FYN: variants seen among roughly 807,000 people sequenced by gnomAD.
The protein encoded by FYN is FYN proto-oncogene, Src family tyrosine kinase.
In FYN, 10 loss-of-function variants were observed where a neutral mutation model predicts 70.2. The ratio of observed to expected loss-of-function variants is 0.14; its 90% CI spans 0.09 to 0.24. The LOEUF is 0.24. Among genes scored for constraint, FYN ranks in the 10% least tolerant of loss-of-function variants. FYN has a pLI of 1.00. For missense variants in FYN, 319 were observed against 673.1 expected, an observed-to-expected ratio of 0.47 and a Z score of 5.82; for synonymous variants, 236 against 248.6, an observed-to-expected ratio of 0.95 and a Z score of 0.48.
At chr6:111,718,390 G>T (rs1250606580) in intron 4 of FYN, among the ~76,000 whole-genome samples, 1 of 152,190 alleles carries the variant, frequency 6.6e-6, no homozygotes. Context: ...TTTTATAAGG[G>T]ATCAGGTAGC....
At chr6:111,736,496 C>T (rs1053087272) in intron 3 of FYN, among the ~76,000 whole-genome samples, 20 of 152,068 alleles carry the variant, frequency 1.3e-4, no homozygotes, top group South Asian at 2.1e-4. Flanking sequence ...CTGAGAGCTC[C>T]GATGGAGCTG....
chr6:111,712,042 T>C (rs1297249245), intron 5 of FYN, among the ~76,000 whole-genome samples: 1 of 152,138 alleles, frequency 6.6e-6, no homozygotes, highest in Non-Finnish European at 1.5e-5. Flanking sequence ...AAAATAGAGA[T>C]TGAGACGGAT....
rs571377984 is a variant in FYN at position 111,781,636 on chromosome 6, A to T, written c.-81-1001T>A. On this transcript the variant is annotated intron_variant, in intron 2 of 13. Coordinates refer to ENST00000354650, the MANE Select transcript of FYN (RefSeq NM_002037.5). Reference sequence around the variant, plus strand: ...AGGCCTGTCCGGCCTCTGAGCCTCTAGGCAGGCCATCCCTCCTCTGGTAGG... The same window carrying T: ...AGGCCTGTCCGGCCTCTGAGCCTCTTGGCAGGCCATCCCTCCTCTGGTAGG... Among the ~76,000 whole-genome samples, 62 of 152,324 alleles carry T rather than the reference A, an allele frequency of 4.1e-4. 1 individual carries two copies. Among genetic ancestry groups the T allele is most frequent in the African/African-American group, 1.4e-3 (58 of 41,584 alleles).
chr6:111,868,919 T>C (rs1188003987), intron 1 of FYN, among the ~76,000 whole-genome samples: 2 of 152,246 alleles, frequency 1.3e-5, no homozygotes, highest in African/African-American at 4.8e-5. Flanking sequence ...TATTAATTAT[T>C]TTTATCTCTT....
chr6:111,761,684 C>T (rs763174195), intron 3 of FYN, among the ~76,000 whole-genome samples: 9 of 152,090 alleles, frequency 5.9e-5, no homozygotes, highest in Non-Finnish European at 1.2e-4. Context: ...CCTTCCGGGG[C>T]GACAACCACT....
At chr6:111,686,619 AATTAG>A (rs1799017527) in intron 12 of FYN, among the ~76,000 whole-genome samples, 2 of 152,210 alleles carry the variant, frequency 1.3e-5, no homozygotes, top group African/African-American at 4.8e-5. Flanking sequence ...GCATGGGAAG[AATTAG>A]ATTAAATTCA....
chr6:111,731,517 AG>A (rs1220918287), intron 3 of FYN, among the ~76,000 whole-genome samples: 1 of 152,186 alleles, frequency 6.6e-6, no homozygotes, highest in Non-Finnish European at 1.5e-5. Context: ...AATAACATGA[AG>A]CCCAGTCCCC....
At chr6:111,794,061 A>G (rs1400784655) in intron 2 of FYN, 1 of 152,332 alleles carries the variant, frequency 6.6e-6, no homozygotes, top group Non-Finnish European at 1.5e-5. Flanking sequence ...GCCTGCCCCT[A>G]CCTGGGAGAA....
intron 2 of FYN, among the ~76,000 whole-genome samples, chr6:111,785,502 A>T (rs1771333115): frequency 6.6e-6 from 1 of 151,982 alleles, no homozygotes; most frequent in Admixed American, 6.6e-5. Context: ...ACACACACAA[A>T]CTCTGGTTAC....
At chr6:111,859,543 G>A (rs1334894823) in intron 1 of FYN, among the ~76,000 whole-genome samples, 1 of 152,140 alleles carries the variant, frequency 6.6e-6, no homozygotes, top group Non-Finnish European at 1.5e-5. Context: ...AAAGTTCCAG[G>A]ACACTCCATT....
chr6:111,765,909 G>T (rs1803212948), intron 3 of FYN, among the ~76,000 whole-genome samples: 1 of 152,148 alleles, frequency 6.6e-6, no homozygotes, highest in African/African-American at 2.4e-5. Context: ...TTTGCTACAG[G>T]ATCACATTTG....
chr6:111,831,567 T>G (rs1773017769), intron 2 of FYN, among the ~76,000 whole-genome samples: 1 of 152,204 alleles, frequency 6.6e-6, no homozygotes, highest in African/African-American at 2.4e-5. Context: ...CTAACAGTCG[T>G]GACCCTCCCT....
intron 10 of FYN, among the ~76,000 whole-genome samples, chr6:111,695,391 TG>T (rs1265609753): frequency 6.6e-6 from 1 of 152,116 alleles, no homozygotes; most frequent in Non-Finnish European, 1.5e-5. Context: ...ACATCTGAAA[TG>T]AAACATTGGA....
intron 2 of FYN, among the ~76,000 whole-genome samples, chr6:111,798,152 C>T (rs1355002453): frequency 6.6e-6 from 1 of 151,982 alleles, no homozygotes; most frequent in Non-Finnish European, 1.5e-5. Context: ...ACCAAATTTT[C>T]TACAAGTAAA....
intron 2 of FYN, among the ~76,000 whole-genome samples, chr6:111,793,059 G>A (rs1170549042): frequency 3.3e-5 from 5 of 151,902 alleles, no homozygotes; most frequent in African/African-American, 1.2e-4. Flanking sequence ...ATCATCTCAG[G>A]GCGAACACGA....
chr6:111,802,839 C>T (rs560168450), intron 2 of FYN, among the ~76,000 whole-genome samples: 105 of 151,740 alleles, frequency 6.9e-4, no homozygotes, highest in African/African-American at 2.3e-3. Flanking sequence ...GGGACAGGAA[C>T]GTAGTAGAGC....
At chr6:111,743,614 GAC>G (rs937691732) in intron 3 of FYN, among the ~76,000 whole-genome samples, 4 of 152,192 alleles carry the variant, frequency 2.6e-5, no homozygotes, top group Non-Finnish European at 5.9e-5. Context: ...GGTTAGCAAA[GAC>G]AGCCAGTGGA....
intron 6 of FYN, among the ~76,000 whole-genome samples, chr6:111,707,349 G>C (rs1001228114): frequency 6.6e-6 from 1 of 152,130 alleles, no homozygotes; most frequent in Non-Finnish European, 1.5e-5. Flanking sequence ...GAATAGTTGG[G>C]CCAAATAACT....
intron 12 of FYN, among the ~76,000 whole-genome samples, chr6:111,676,849 T>A (rs957314710): frequency 2.6e-5 from 4 of 152,230 alleles, no homozygotes; most frequent in African/African-American, 9.6e-5. Context: ...TGAAAGTGAC[T>A]ATTTAAAATT....
Sources: allele counts gnomAD v4.1 joint callset (sites outside exome capture counted in the v4.1 genomes callset), GRCh38; gene constraint gnomAD v4.1.1; transcripts MANE v1.5; gene names NCBI Gene and HGNC (gene_info 2026-07-23, HGNC 2026-07-21).